Variants in GSE1 observed in about 807,000 individuals in gnomAD.
The protein encoded by GSE1 is Gse1 coiled-coil protein, also known as genetic suppressor element 1.
In GSE1, 32 loss-of-function variants were observed where a neutral mutation model predicts 112.6. The ratio of observed to expected loss-of-function variants is 0.28; its 90% CI spans 0.21 to 0.38. GSE1 has a LOEUF of 0.38. GSE1 is among the 10% of genes least tolerant of loss of function. The pLI, the probability that GSE1 is intolerant of heterozygous loss-of-function variation, is 1.00. For missense variants in GSE1, 2,348 were observed against 1,699.2 expected, an observed-to-expected ratio of 1.38 and a Z score of -6.71; for synonymous variants, 1,115 against 735.6, an observed-to-expected ratio of 1.52 and a Z score of -8.35.
chr16:85,629,442 A>G (rs2049360730), intron 1 of GSE1, among the ~76,000 whole-genome samples: 2 of 152,146 alleles, frequency 1.3e-5, no homozygotes, highest in African/African-American at 4.8e-5. Context: ...TTGCGGTAGC[A>G]TGTGGTGTGG....
chr16:85,524,100 G>C (rs954054157), intron 2 of GSE1, among the ~76,000 whole-genome samples: 1 of 152,302 alleles, frequency 6.6e-6, no homozygotes, highest in Admixed American at 6.5e-5. Context: ...GACTTCCGGG[G>C]CCCAGGTCTG....
chr16:85,344,609 A>G (rs1443596360), intron 1 of GSE1, among the ~76,000 whole-genome samples: 1 of 152,242 alleles, frequency 6.6e-6, no homozygotes. Flanking sequence ...GAGCTTCACA[A>G]CACAGACTCA....
At chr16:85,195,640 G>A (rs2074912441) in intron 1 of GSE1, among the ~76,000 whole-genome samples, 1 of 152,160 alleles carries the variant, frequency 6.6e-6, no homozygotes, top group Non-Finnish European at 1.5e-5. Flanking sequence ...AAGATTCCAG[G>A]GGGTGCATTT....
intron 1 of GSE1, among the ~76,000 whole-genome samples, chr16:85,565,159 A>C (rs566418638): frequency 6.6e-6 from 1 of 152,232 alleles, no homozygotes; most frequent in East Asian, 1.9e-4. Context: ...TGGGAACCCG[A>C]GGCAGGTGGA....
rs574302975 is a variant in GSE1 at position 85,316,495 on chromosome 16, G to A, written c.2284-40968G>A. Reference sequence around the variant, plus strand: ...ACTGGTCCGGGTGTCCTCTCTGCCCGGTGAAGAGCGCTCCAGCAGGCTTTG... The same window carrying A: ...ACTGGTCCGGGTGTCCTCTCTGCCCAGTGAAGAGCGCTCCAGCAGGCTTTG... On this transcript the variant is annotated intron_variant, in intron 1 of 2. Transcript: ENST00000637419. Among the ~76,000 whole-genome samples, 14 of 152,248 alleles carry A rather than the reference G, an allele frequency of 9.2e-5. No individual in the cohort carries two copies. In the South Asian group the frequency reaches 2.7e-3, roughly 29 times the overall value.
intron 1 of GSE1, among the ~76,000 whole-genome samples, chr16:85,233,364 T>A (rs1904310363): frequency 6.6e-6 from 1 of 152,226 alleles, no homozygotes; most frequent in African/African-American, 2.4e-5. Context: ...CAAGGGTACC[T>A]GAGTTGGAGC....
At chr16:85,178,716 G>C (rs1455947421) in intron 1 of GSE1, among the ~76,000 whole-genome samples, 1 of 151,984 alleles carries the variant, frequency 6.6e-6, no homozygotes, top group Non-Finnish European at 1.5e-5. Context: ...TAGACACCAG[G>C]ACCCAGCAGT....
chr16:85,598,135 C>G (rs2047311260), intron 1 of GSE1, among the ~76,000 whole-genome samples: 1 of 147,996 alleles, frequency 6.8e-6, no homozygotes, highest in South Asian at 2.2e-4. Context: ...GTTTTTCTCT[C>G]TCTCTTTCTC....
intron 2 of GSE1, among the ~76,000 whole-genome samples, chr16:85,391,268 G>A (rs1423032959): frequency 1.3e-5 from 2 of 152,216 alleles, no homozygotes; most frequent in Non-Finnish European, 2.9e-5. Flanking sequence ...CATGTCCCAC[G>A]CACCCACCCG....
chr16:85,240,715 G>A (rs553459270), intron 1 of GSE1, among the ~76,000 whole-genome samples: 119 of 152,330 alleles, frequency 7.8e-4, no homozygotes, highest in African/African-American at 2.8e-3. Context: ...TGCCCATAAG[G>A]ACTGCCATTG....
At chr16:85,457,936 T>G (rs2049874868) in intron 2 of GSE1, among the ~76,000 whole-genome samples, 1 of 152,220 alleles carries the variant, frequency 6.6e-6, no homozygotes, top group Non-Finnish European at 1.5e-5. Flanking sequence ...GCATTGGTGG[T>G]GTGTAATTTT....
chr16:85,401,215 G>A (rs1051693615), intron 2 of GSE1, among the ~76,000 whole-genome samples: 3 of 152,222 alleles, frequency 2.0e-5, no homozygotes, highest in Non-Finnish European at 4.4e-5. Context: ...TTATTCAGCG[G>A]CTCCTGATTT....
intron 1 of GSE1, among the ~76,000 whole-genome samples, chr16:85,343,191 G>A (rs1382559573): frequency 6.6e-6 from 1 of 152,186 alleles, no homozygotes; most frequent in African/African-American, 2.4e-5. Context: ...CAAAGCATGG[G>A]TGCACAGGGC....
chr16:85,421,203 C>T (rs1486343017), intron 2 of GSE1, among the ~76,000 whole-genome samples: 1 of 152,156 alleles, frequency 6.6e-6, no homozygotes, highest in Non-Finnish European at 1.5e-5. Flanking sequence ...AGCAGGCACC[C>T]TCCTGTCTCC....
intron 2 of GSE1, among the ~76,000 whole-genome samples, chr16:85,457,340 T>A (rs1597811619): frequency 6.6e-6 from 1 of 152,070 alleles, no homozygotes. Flanking sequence ...ACAGCGAGAC[T>A]CCCCCCAGAC....
rs564272210 is a variant in GSE1 at position 85,627,044 on chromosome 16, C to CTTTTTTTTTTTTTTTTTTTTTT, written c.8-6859_8-6838dup. ...GGACTTTGCTTCCTTTTCTTCTTGC[C>CTTTTTTTTTTTTTTTTTTTTTT]TTTTTTTTTTTTTTTTTTTTTTTTT... On this transcript the variant is annotated intron_variant, in intron 1 of 15. Transcript: ENST00000253458. Among the ~76,000 whole-genome samples the CTTTTTTTTTTTTTTTTTTTTTT allele has an allele frequency of 1.5e-3, 38 of 25,072 alleles. 4 individuals are homozygous for CTTTTTTTTTTTTTTTTTTTTTT. Among genetic ancestry groups the CTTTTTTTTTTTTTTTTTTTTTT allele is most frequent in the African/African-American group, 2.2e-3 (14 of 6,382 alleles). 16.4% of individuals were successfully genotyped at this position (25,072 alleles called of 152,430 possible). A position where few individuals can be genotyped will look rare whatever the true frequency, so the allele number is the denominator to read the frequency against.
At chr16:85,193,015 G>A (rs151236720) in intron 1 of GSE1, among the ~76,000 whole-genome samples, 156 of 152,354 alleles carry the variant, frequency 1.0e-3, no homozygotes, top group Non-Finnish European at 1.9e-3. Flanking sequence ...CTGCTAGGAG[G>A]CTCTTCCCCC....
chr16:85,514,891 A>T (rs569784690), intron 2 of GSE1, among the ~76,000 whole-genome samples: 5 of 152,068 alleles, frequency 3.3e-5, no homozygotes, highest in Admixed American at 2.6e-4. Flanking sequence ...GTGTGTGTGC[A>T]TGCACATGTG....
chr16:85,205,156 G>A (rs998561079), intron 1 of GSE1, among the ~76,000 whole-genome samples: 18 of 152,060 alleles, frequency 1.2e-4, no homozygotes, highest in African/African-American at 3.9e-4. Flanking sequence ...TTGAGACAGA[G>A]TCTCGCTCTG....
Sources: allele counts gnomAD v4.1 joint callset (sites outside exome capture counted in the v4.1 genomes callset), GRCh38; gene constraint gnomAD v4.1.1; transcripts MANE v1.5; gene names NCBI Gene and HGNC (gene_info 2026-07-23, HGNC 2026-07-21).